Variants in BTNL8 observed in about 807,000 individuals in gnomAD.
BTNL8 encodes butyrophilin like 8.
Under a neutral mutation model 36.1 loss-of-function variants are expected in BTNL8, and 22 were observed. The ratio of observed to expected loss-of-function variants is 0.61; its 90% CI spans 0.44 to 0.87. The LOEUF (loss-of-function observed/expected upper bound fraction) is 0.87, where lower values mean the gene tolerates loss of function less well. Among genes scored for constraint, BTNL8 ranks in the 40% least tolerant of loss-of-function variants. The probability of loss-of-function intolerance (pLI) is 0.00; values close to 1 mark genes in which losing one functional copy is unlikely to be tolerated. For synonymous variants in BTNL8, 203 were observed against 235.6 expected, an observed-to-expected ratio of 0.86 and a Z score of 1.27; for missense variants, 526 against 616.9, an observed-to-expected ratio of 0.85 and a Z score of 1.56.
intron 3 of BTNL8, among the ~76,000 whole-genome samples, chr5:180,913,136 C>T (rs1757481171): frequency 6.6e-6 from 1 of 152,110 alleles, no homozygotes; most frequent in African/African-American, 2.4e-5. Context: ...AAATGAGATT[C>T]AGAAAGTTGA....
At chr5:180,911,209 G>A in intron 2 of BTNL8, 130 bp from the exon 3 acceptor site, 1 of 1,407,868 alleles carries the variant, frequency 7.1e-7, no homozygotes, top group Non-Finnish European at 9.7e-7. Flanking sequence ...TTTGCCAAAG[G>A]TCGTGGTTTT....
rs756001810 is a variant in BTNL8, at chr5:180,949,934, A to C, written c.893A>C (p.His298Pro). 37 of 1,459,826 alleles carry C rather than the reference A, an allele frequency of 2.5e-5. 10 individuals carry two copies. Among genetic ancestry groups the C allele is most frequent in the Non-Finnish European group, 3.5e-5 (37 of 1,057,690 alleles). 90.4% of individuals were successfully genotyped at this position (1,459,826 alleles called of 1,614,324 possible). ...GTGACTCTGGATCCAGAGACGGCTC[A>C]CCCGAAGCTCTGCGTTTCTGATCTG... ...VEVTLDPETAHPKLCVSDLKT... is the reference protein window; with the variant it reads ...VEVTLDPETAPPKLCVSDLKT... Residue 298 changes from histidine (H) to proline (P), a missense_variant, in exon 8 of 8, where the codon CAC (histidine) becomes CCC (proline). His to Pro is a moderately conservative substitution (Grantham distance 77). Coordinates refer to ENST00000340184, the MANE Select transcript of BTNL8 (RefSeq NM_001040462.3).
chr5:180,936,169 A>T (rs1036677799), intron 3 of BTNL8, among the ~76,000 whole-genome samples: 2 of 152,052 alleles, frequency 1.3e-5, no homozygotes, highest in African/African-American at 4.8e-5. Flanking sequence ...TTGTCCTCCG[A>T]AAGTGCTGGG....
At chr5:180,922,777 A>G (rs763315758) in intron 3 of BTNL8, among the ~76,000 whole-genome samples, 29 of 151,672 alleles carry the variant, frequency 1.9e-4, no homozygotes, top group Non-Finnish European at 2.8e-4. Flanking sequence ...TCTATCTAAT[A>G]CAGTCAGTGG....
intron 3 of BTNL8, among the ~76,000 whole-genome samples, chr5:180,917,915 G>A (rs34730911): frequency 6.6e-6 from 1 of 151,842 alleles, no homozygotes; most frequent in Non-Finnish European, 1.5e-5. Flanking sequence ...TGTAGTCCCA[G>A]CTACTTGGGA....
At chr5:180,907,947 C>T (rs578134532) in intron 1 of BTNL8, among the ~76,000 whole-genome samples, 30 of 152,276 alleles carry the variant, frequency 2.0e-4, no homozygotes, top group South Asian at 1.7e-3. Flanking sequence ...ACATTTAAGT[C>T]TGCAGAGGTT....
In BTNL8 at chr5:180,950,562, A is replaced by G; in HGVS notation, c.*18A>G. 1 of 1,458,618 alleles carries G rather than the reference A, an allele frequency of 6.9e-7. No homozygotes were observed. The highest frequency in any genetic ancestry group is 1.1e-5 in the South Asian group (1 of 89,232). 90.4% of individuals were successfully genotyped at this position (1,458,618 alleles called of 1,614,324 possible). A position where few individuals can be genotyped will look rare whatever the true frequency, so the allele number is the denominator to read the frequency against. On this transcript the variant is annotated 3_prime_UTR_variant, in exon 8 of 8. Coordinates refer to ENST00000340184, the MANE Select transcript of BTNL8 (RefSeq NM_001040462.3). ...AAATGTAGGATGAATCACATCCCAC[A>G]TTCTTCTTTAGGGATATTAAGGTCT...
intron 3 of BTNL8, among the ~76,000 whole-genome samples, chr5:180,923,802 T>C (rs1172709312): frequency 1.3e-5 from 2 of 152,116 alleles, no homozygotes; most frequent in Admixed American, 1.3e-4. Flanking sequence ...ATTATGTTCA[T>C]AAAAATAAGA....
rs531774156 is a variant in BTNL8 at position 180,918,810 on chromosome 5, A to C, written c.673+7196A>C. ...TAGATTAGAAGATTTTCTGGTTGGC[A>C]AATGGTTGTGAGTTATCTAAAAGAC... is the stretch of plus-strand genomic sequence containing the variant. On this transcript the variant is annotated intron_variant, in intron 3 of 7. Transcript: ENST00000340184. Among the ~76,000 whole-genome samples, 16 of 152,352 alleles carry C rather than the reference A, an allele frequency of 1.1e-4. 1 individual carries two copies. In the South Asian group the frequency reaches 3.1e-3, roughly 30 times the overall value.
intron 3 of BTNL8, among the ~76,000 whole-genome samples, chr5:180,936,883 C>A (rs901755020): frequency 6.6e-6 from 1 of 152,212 alleles, no homozygotes; most frequent in African/African-American, 2.4e-5. Context: ...GTACACCACA[C>A]ATGTTCCCCA....
At chr5:180,926,018 G>A (rs1758078931) in intron 3 of BTNL8, among the ~76,000 whole-genome samples, 1 of 152,202 alleles carries the variant, frequency 6.6e-6, no homozygotes, top group African/African-American at 2.4e-5. Flanking sequence ...AAAAACCACA[G>A]CAGGCGGTGG....
rs1582071122 is a variant in BTNL8 at position 180,949,432 on chromosome 5, C to A, written c.862+167C>A. ...CCCCCAAGGGTTCAGTGCCCCCAGA[C>A]ACACTTCTTTCCCTTGGTCTAGAAG... On this transcript the variant is annotated intron_variant, in intron 7 of 7. Coordinates refer to ENST00000340184, the MANE Select transcript of BTNL8 (RefSeq NM_001040462.3). 7.5e-6 allele frequency: 8 copies of A among 1,062,120 alleles called. 2 individuals carry two copies. The East Asian group carries it at 2.4e-4, about 32-fold the overall frequency. 65.8% of individuals were successfully genotyped at this position (1,062,120 alleles called of 1,614,324 possible).
At chr5:180,928,031 G>A (rs998924476) in intron 3 of BTNL8, among the ~76,000 whole-genome samples, 8 of 151,802 alleles carry the variant, frequency 5.3e-5, no homozygotes, top group Non-Finnish European at 7.4e-5. Context: ...ACACATAATC[G>A]TCAGATTCAC....
intron 1 of BTNL8, chr5:180,902,504 C>A (rs1360013249): frequency 3.5e-6 from 4 of 1,157,666 alleles, no homozygotes; most frequent in South Asian, 1.4e-5. Flanking sequence ...CTGAGTAGGT[C>A]ACACTATAAA....
intron 3 of BTNL8, among the ~76,000 whole-genome samples, chr5:180,915,261 C>T (rs1041141636): frequency 2.0e-5 from 3 of 152,242 alleles, no homozygotes; most frequent in Non-Finnish European, 4.4e-5. Flanking sequence ...ACCTCTTGGT[C>T]CATCACAGTG....
intron 3 of BTNL8, among the ~76,000 whole-genome samples, chr5:180,940,345 A>G (rs1025840980): frequency 2.3e-5 from 2 of 87,364 alleles, no homozygotes; most frequent in African/African-American, 3.1e-5. Flanking sequence ...TCTCAGAGGA[A>G]AAAAAAAAAA....
At chr5:180,933,074 A>G (rs1271942773) in intron 3 of BTNL8, among the ~76,000 whole-genome samples, 3 of 152,174 alleles carry the variant, frequency 2.0e-5, no homozygotes, top group Non-Finnish European at 4.4e-5. Flanking sequence ...GTAACTATAA[A>G]AAGAGAAAAA....
At position 180,950,108 on chromosome 5, in the gene BTNL8, G is replaced by A. The variant is rs1476340847; in HGVS notation, c.1067G>A (p.Gly356Glu). 14 of 1,462,854 alleles carry A rather than the reference G, an allele frequency of 9.6e-6. 1 individual carries two copies. The highest frequency in any genetic ancestry group is 1.4e-5 in the African/African-American group (1 of 72,354). 90.6% of individuals were successfully genotyped at this position (1,462,854 alleles called of 1,614,324 possible). Residue 356 changes from glycine to glutamate, a missense_variant, in exon 8 of 8, where the codon GGA becomes GAA. Coordinates refer to ENST00000340184, the MANE Select transcript of BTNL8 (RefSeq NM_001040462.3). ...GGACACAATAAAAGGTGGCGCGTGG[G>A]AGTGTGCCGGGATGATGTGGACAGG... Reference protein sequence around the residue: ...DGGHNKRWRVGVCRDDVDRRK... With the variant: ...DGGHNKRWRVEVCRDDVDRRK...
At chr5:180,942,214 A>G (rs931046807) in intron 3 of BTNL8, among the ~76,000 whole-genome samples, 1 of 152,190 alleles carries the variant, frequency 6.6e-6, no homozygotes, top group Non-Finnish European at 1.5e-5. Flanking sequence ...AAAATAAAAT[A>G]CCAAGGAATA....
Sources: gnomAD v4.1 joint callset for allele counts (sites outside exome capture counted in the v4.1 genomes callset) on GRCh38, gnomAD v4.1.1 for gene constraint, MANE v1.5 for transcripts, NCBI Gene and HGNC (gene_info 2026-07-23, HGNC 2026-07-21) for gene names.